The following MAPK6 variants were observed in gnomAD, a reference collection of about 807,000 sequenced individuals.
MAPK6 encodes the protein mitogen-activated protein kinase 6, also known as ERK-3.
MAPK6 carries 19 observed loss-of-function variants against 59.3 expected under a neutral mutation model. The observed-to-expected ratio is 0.32, with a 90% CI of 0.22 to 0.47. The LOEUF (loss-of-function observed/expected upper bound fraction) is 0.47, where lower values mean the gene tolerates loss of function less well. MAPK6 is among the 20% of genes least tolerant of loss of function. The pLI is 1.00. For missense variants in MAPK6, 724 were observed against 847.9 expected (o/e 0.85, Z 1.81); for synonymous variants, 316 against 290.3 (o/e 1.09, Z -0.90).
In MAPK6 at chr15:52,064,316, A is replaced by G. The variant is rs990618440; in HGVS notation, c.1482A>G (p.Lys494=). ...KEKSDKKGKS[K]CERNGLVKAQ... is the part of the protein sequence containing the mutation. ...AATCTGATAAGAAAGGCAAATCAAA[A>G]TGTGAAAGGAATGGATTGGTTAAAG... Residue 494 remains lysine, a synonymous_variant, in exon 6 of 6, where the codon AAA becomes AAG. Coordinates refer to ENST00000261845, the MANE Select transcript of MAPK6 (RefSeq NM_002748.4). 1 of 1,610,060 alleles carries G rather than the reference A, an allele frequency of 6.2e-7. No individual in the cohort carries two copies. The highest frequency in any genetic ancestry group is 8.5e-7 in the Non-Finnish European group (1 of 1,178,940).
chr15:52,021,088 A>G (rs146561520), intron 1 of MAPK6, among the ~76,000 whole-genome samples: 236 of 152,366 alleles, frequency 1.5e-3, no homozygotes, highest in African/African-American at 5.4e-3. Context: ...TTCTGTTATT[A>G]AAAAATCCAG....
intron 2 of MAPK6, among the ~76,000 whole-genome samples, chr15:51,994,763 C>A (rs187522833): frequency 6.6e-6 from 1 of 152,314 alleles, no homozygotes; most frequent in East Asian, 1.9e-4. Context: ...AGCGTTGATT[C>A]TCTGATTGTT....
intron 2 of MAPK6, among the ~76,000 whole-genome samples, chr15:52,001,058 G>A (rs2057240527): frequency 6.6e-6 from 1 of 152,182 alleles, no homozygotes; most frequent in Non-Finnish European, 1.5e-5. Flanking sequence ...ATAGCATTAA[G>A]AGGTGGGGAC....
At chr15:52,049,821 C>T (rs2031720083) in intron 2 of MAPK6, among the ~76,000 whole-genome samples, 172 bp from the exon 3 acceptor site, 2 of 152,050 alleles carry the variant, frequency 1.3e-5, no homozygotes. Context: ...TCCGGTTGGT[C>T]AGACTGGTCT....
intron 5 of MAPK6, among the ~76,000 whole-genome samples, chr15:52,063,691 A>G (rs1566915713): frequency 6.6e-6 from 1 of 152,222 alleles, no homozygotes; most frequent in South Asian, 2.1e-4. Flanking sequence ...CAAATTGGAA[A>G]TGAAGTTACA....
At chr15:51,979,000 A>G (rs2057165133) in intron 1 of MAPK6, among the ~76,000 whole-genome samples, 1 of 151,444 alleles carries the variant, frequency 6.6e-6, no homozygotes, top group East Asian at 1.9e-4. Context: ...AGTCCCAGCT[A>G]CTTGGGAGGC....
chr15:52,057,668 C>T (rs1051298899), intron 3 of MAPK6, among the ~76,000 whole-genome samples: 10 of 152,164 alleles, frequency 6.6e-5, no homozygotes, highest in African/African-American at 2.4e-4. Flanking sequence ...CTTCAGCCTC[C>T]CAAGTAGCTG....
intron 1 of MAPK6, among the ~76,000 whole-genome samples, chr15:52,026,691 T>C (rs1012337742): frequency 1.3e-5 from 2 of 152,178 alleles, no homozygotes; most frequent in Admixed American, 6.5e-5. Context: ...GCATCAGTGC[T>C]CTTGTTTGTA....
chr15:51,996,983 A>ATT (rs879906083), intron 2 of MAPK6, among the ~76,000 whole-genome samples: 1 of 140,868 alleles, frequency 7.1e-6, no homozygotes, highest in African/African-American at 2.6e-5. Context: ...ATGCCAGGAA[A>ATT]TTTTTTTTTT....
At chr15:51,992,629 A>G (rs1403196546) in intron 2 of MAPK6, among the ~76,000 whole-genome samples, 1 of 152,104 alleles carries the variant, frequency 6.6e-6, no homozygotes, top group Middle Eastern at 3.4e-3. Flanking sequence ...TTAGATGCCA[A>G]TCACAAGTCC....
chr15:52,026,538 C>T (rs1367973534), intron 1 of MAPK6, among the ~76,000 whole-genome samples: 5 of 152,042 alleles, frequency 3.3e-5, no homozygotes, highest in African/African-American at 7.2e-5. Flanking sequence ...GTGATCCACC[C>T]GTCTCGGCCT....
intron 1 of MAPK6, among the ~76,000 whole-genome samples, chr15:52,044,926 C>CTT (rs80337297): frequency 7.6e-4 from 100 of 130,766 alleles, no homozygotes; most frequent in Admixed American, 4.4e-3. Context: ...TTTTTTTTTC[C>CTT]TTTTTTTTTT....
Position 52,031,235 on chromosome 15 carries a change from A to G in MAPK6, c.-632+11859A>G, listed in dbSNP as rs2031021761. On this transcript the variant is annotated intron_variant, in intron 1 of 5. Coordinates refer to ENST00000261845, the MANE Select transcript of MAPK6 (RefSeq NM_002748.4). Reference sequence around the variant, plus strand: ...GGTGTGAGCCACTGCCCCCAGCCAGAAGAAGGTCTTTGTCTATAGGAAATA... The same window carrying G: ...GGTGTGAGCCACTGCCCCCAGCCAGGAGAAGGTCTTTGTCTATAGGAAATA... Among the ~76,000 whole-genome samples, 2 of 152,006 alleles carry G rather than the reference A, an allele frequency of 1.3e-5. 1 individual carries two copies. The highest frequency in any genetic ancestry group is 4.2e-4 in the South Asian group (2 of 4,816).
exon 1 of MAPK6, chr15:51,971,866 G>A (rs1229993409): frequency 9.2e-7 from 1 of 1,092,040 alleles, no homozygotes; most frequent in African/African-American, 1.5e-5. Flanking sequence ...TTCCTTACGT[G>A]ACCTAGTTTT....
intron 1 of MAPK6, among the ~76,000 whole-genome samples, chr15:52,019,612 G>GC (rs2030427153): frequency 1.4e-5 from 2 of 146,084 alleles, no homozygotes; most frequent in East Asian, 4.0e-4. Flanking sequence ...CCCCGCGCGG[G>GC]CGGGCGGGCG....
intron 1 of MAPK6, among the ~76,000 whole-genome samples, chr15:52,040,658 C>G (rs1327088545): frequency 1.3e-5 from 2 of 152,166 alleles, no homozygotes; most frequent in Non-Finnish European, 2.9e-5. Flanking sequence ...ACTTTATACA[C>G]TTAGGCTTGA....
chr15:51,993,307 A>G (rs909555187), intron 2 of MAPK6, among the ~76,000 whole-genome samples: 1 of 152,192 alleles, frequency 6.6e-6, no homozygotes, highest in Non-Finnish European at 1.5e-5. Flanking sequence ...AGATCCTCCT[A>G]GCACCACTAT....
At chr15:51,999,395 C>G (rs1039296948) in intron 2 of MAPK6, among the ~76,000 whole-genome samples, 1 of 152,190 alleles carries the variant, frequency 6.6e-6, no homozygotes, top group Non-Finnish European at 1.5e-5. Context: ...TGGTGATCAT[C>G]TTTTCATGTG....
chr15:52,006,706 T>G (rs1048258064), intron 3 of MAPK6, among the ~76,000 whole-genome samples: 2 of 152,178 alleles, frequency 1.3e-5, no homozygotes. Flanking sequence ...AAACCTGCAA[T>G]CAAGTTCTTC....
Sources: allele counts gnomAD v4.1 joint callset (sites outside exome capture counted in the v4.1 genomes callset), GRCh38; gene constraint gnomAD v4.1.1; transcripts MANE v1.5; gene names NCBI Gene and HGNC (gene_info 2026-07-23, HGNC 2026-07-21).